Variants in SAMD8 observed in about 807,000 individuals in gnomAD.
SAMD8 encodes the protein sterile alpha motif domain containing 8, also known as sphingomyelin synthase-related protein 1.
In SAMD8, 20 loss-of-function variants were observed where a neutral mutation model predicts 42.0. The ratio of observed to expected loss-of-function variants is 0.48; its 90% CI spans 0.34 to 0.69. The LOEUF (loss-of-function observed/expected upper bound fraction) is 0.69. Ranked by LOEUF, SAMD8 falls within the 30% of genes least tolerant of loss-of-function variation. SAMD8 has a pLI of 0.01. For synonymous variants in SAMD8, 162 were observed against 173.0 expected (o/e 0.94, Z 0.50); for missense variants, 328 against 511.6 (o/e 0.64, Z 3.46).
intron 1 of SAMD8, among the ~76,000 whole-genome samples, chr10:75,127,204 A>AT (rs1474026466): frequency 6.6e-6 from 1 of 151,894 alleles, no homozygotes; most frequent in Admixed American, 6.6e-5. Context: ...AAAAAAAAAA[A>AT]ATCTTTGTTA....
At chr10:75,104,232 T>G (rs1266849225) in intron 1 of SAMD8, 2 of 480,876 alleles carry the variant, frequency 4.2e-6, no homozygotes, top group East Asian at 1.4e-4. Flanking sequence ...GTCAAGTGAG[T>G]GCAGCTGCTG....
upstream of SAMD8, among the ~76,000 whole-genome samples, chr10:75,106,835 T>C (rs913778138): frequency 2.0e-5 from 3 of 152,200 alleles, no homozygotes; most frequent in African/African-American, 7.2e-5. Flanking sequence ...GTGTGTTGGA[T>C]ACTAAAAAGT....
At chr10:75,151,748 A>G (rs1401256237) in intron 2 of SAMD8, among the ~76,000 whole-genome samples, 1 of 152,136 alleles carries the variant, frequency 6.6e-6, no homozygotes, top group African/African-American at 2.4e-5. Context: ...GTGCAGTGGC[A>G]TGATCTTGGC....
chr10:75,138,288 C>G (rs924593635), intron 1 of SAMD8, among the ~76,000 whole-genome samples: 2 of 152,116 alleles, frequency 1.3e-5, no homozygotes, highest in African/African-American at 4.8e-5. Context: ...AGAGGTGATT[C>G]GTAGATGGCA....
Position 75,176,059 on chromosome 10 carries a change from T to G in SAMD8, c.793-7T>G. 1 of 1,608,270 alleles carries G rather than the reference T, an allele frequency of 6.2e-7. No homozygotes were observed. ...TTGAAGCACTAATTCATAACTTTTC[T>G]TCATAGATATATGGCAGTGTATGGG... On this transcript the variant is annotated splice_region_variant and splice_polypyrimidine_tract_variant and intron_variant, in intron 4 of 5. Coordinates refer to ENST00000542569, the MANE Select transcript of SAMD8 (RefSeq NM_001174156.2). The surrounding 1 kb of genome is among the most constrained non-coding windows in gnomAD (Gnocchi z 4.3).
intron 4 of SAMD8, among the ~76,000 whole-genome samples, chr10:75,171,109 G>T (rs189155852): frequency 3.9e-4 from 57 of 145,730 alleles, no homozygotes; most frequent in Non-Finnish European, 5.3e-4. Context: ...GGATTATATT[G>T]CAAACATTGT....
intron 3 of SAMD8, 160 bp from the exon 4 acceptor site, chr10:75,168,381 G>A (rs2132206339): frequency 1.0e-6 from 1 of 968,618 alleles, no homozygotes; most frequent in Non-Finnish European, 1.2e-6. Flanking sequence ...AGAGAATTCT[G>A]TTGGACAACG....
rs530043259 is a variant in SAMD8 at position 75,159,063 on chromosome 10, C to CT, written c.579-5569dup. ...TGTAGACAAATTTTTTTTTCTTTTT[C>CT]TTTTTTTTTTTTTGAGACAGAGTCT... On this transcript the variant is annotated intron_variant, in intron 2 of 5. Coordinates refer to ENST00000542569, the MANE Select transcript of SAMD8 (RefSeq NM_001174156.2). 4.0e-3 allele frequency among the ~76,000 whole-genome samples: 538 copies of CT among 133,420 alleles called. 4 individuals are homozygous for CT. The highest frequency in any genetic ancestry group is 0.016 in the South Asian group (68 of 4,264). 87.5% of individuals were successfully genotyped at this position (133,420 alleles called of 152,430 possible).
chr10:75,107,057 C>T (rs747216965), upstream of SAMD8, among the ~76,000 whole-genome samples: 102 of 152,066 alleles, frequency 6.7e-4, no homozygotes, highest in Non-Finnish European at 1.1e-3. Context: ...CTTTGGGGGC[C>T]GGGTGCGGTG....
intron 1 of SAMD8, among the ~76,000 whole-genome samples, chr10:75,100,419 A>AC (rs930971982): frequency 6.6e-5 from 10 of 151,222 alleles, no homozygotes; most frequent in Non-Finnish European, 1.2e-4. Flanking sequence ...AGGCCCGGCC[A>AC]CCCCCCCAGG....
At chr10:75,174,946 C>T (rs1389565660) in intron 4 of SAMD8, among the ~76,000 whole-genome samples, 1 of 152,094 alleles carries the variant, frequency 6.6e-6, no homozygotes, top group African/African-American at 2.4e-5. Flanking sequence ...TACACAAGGT[C>T]TGGTATGATA....
At chr10:75,155,363 TA>T (rs1224004705) in intron 2 of SAMD8, among the ~76,000 whole-genome samples, 2 of 151,336 alleles carry the variant, frequency 1.3e-5, no homozygotes, top group East Asian at 3.9e-4. Flanking sequence ...GAGATGGAAA[TA>T]TGAGCAGAAG....
chr10:75,144,553 CATG>C (rs1840092081), intron 1 of SAMD8, among the ~76,000 whole-genome samples: 1 of 152,188 alleles, frequency 6.6e-6, no homozygotes, highest in Admixed American at 6.5e-5. Flanking sequence ...AAGGCTCATC[CATG>C]TTGTAGCATG....
At chr10:75,162,773 A>T (rs894816627) in intron 2 of SAMD8, among the ~76,000 whole-genome samples, 7 of 152,124 alleles carry the variant, frequency 4.6e-5, no homozygotes, top group African/African-American at 1.7e-4. Context: ...AGAAGGCTCT[A>T]GGAGAGATTG....
At chr10:75,107,883 G>A (rs1848612084), upstream of SAMD8, 1 of 1,319,724 alleles carries the variant, frequency 7.6e-7, no homozygotes, top group African/African-American at 1.5e-5. Flanking sequence ...GGCCTAAGCA[G>A]AGGATTTTTA....
At chr10:75,172,618 C>T (rs1328293468) in intron 4 of SAMD8, among the ~76,000 whole-genome samples, 3 of 152,082 alleles carry the variant, frequency 2.0e-5, no homozygotes, top group South Asian at 2.1e-4. Flanking sequence ...CTGTCTCAGC[C>T]TCCCAAGTAA....
At chr10:75,154,143 C>T (rs1840358895) in intron 2 of SAMD8, among the ~76,000 whole-genome samples, 1 of 152,062 alleles carries the variant, frequency 6.6e-6, no homozygotes, top group Non-Finnish European at 1.5e-5. Flanking sequence ...GAGAAAACAG[C>T]CATACATTTT....
At position 75,101,905 on chromosome 10, in the gene SAMD8, C is replaced by T. The variant is rs141678047; in HGVS notation, c.-16+2177C>T. Reference sequence around the variant, plus strand: ...TGGCCCAGGCTGTGCACTTCTCTGACGGGCAGTTCGTGCTGCTGGCTTTCA... The same window carrying T: ...TGGCCCAGGCTGTGCACTTCTCTGATGGGCAGTTCGTGCTGCTGGCTTTCA... On this transcript the variant is annotated intron_variant, in intron 1 of 3. Coordinates refer to the SAMD8 transcript ENST00000447533. The T allele has an allele frequency of 2.9e-5, 40 of 1,367,442 alleles. No homozygotes were observed. In the African/African-American group the frequency reaches 3.1e-4, roughly 11 times the overall value. 84.7% of individuals were successfully genotyped at this position (1,367,442 alleles called of 1,614,324 possible). A position where few individuals can be genotyped will look rare whatever the true frequency, so the allele number is the denominator to read the frequency against.
At chr10:75,170,361 A>C (rs986129777) in intron 4 of SAMD8, among the ~76,000 whole-genome samples, 1 of 152,314 alleles carries the variant, frequency 6.6e-6, no homozygotes, top group African/African-American at 2.4e-5. Context: ...TGAAATGCCA[A>C]CAAGGGAAGA....
Sources: gnomAD v4.1 joint callset for allele counts (sites outside exome capture counted in the v4.1 genomes callset) on GRCh38, gnomAD v4.1.1 for gene constraint, Gnocchi (gnomAD v3.1) non-coding constraint, MANE v1.5 for transcripts, NCBI Gene and HGNC (gene_info 2026-07-23, HGNC 2026-07-21) for gene names.